The following KIFC3 variants were observed in gnomAD, a reference collection of about 807,000 sequenced individuals.
KIFC3 encodes kinesin family member C3.
In KIFC3, 60 loss-of-function variants were observed where a neutral mutation model predicts 101.8. The ratio of observed to expected loss-of-function variants is 0.59; its 90% CI spans 0.48 to 0.73. The LOEUF (loss-of-function observed/expected upper bound fraction) is 0.73, where lower values mean the gene tolerates loss of function less well. Among genes scored for constraint, KIFC3 ranks in the 30% least tolerant of loss-of-function variants. The pLI, the probability that KIFC3 is intolerant of heterozygous loss-of-function variation, is 0.00. For missense variants in KIFC3, 966 were observed against 1,137.1 expected (o/e 0.85, Z 2.16); for synonymous variants, 476 against 482.7 (o/e 0.99, Z 0.18).
intron 10 of KIFC3, chr16:57,765,912 A>G: frequency 2.5e-6 from 1 of 396,406 alleles, no homozygotes; most frequent in Non-Finnish European, 4.5e-6. Context: ...GGGCTCAAGC[A>G]CTGCACCCCG....
intron 19 of KIFC3, 78 bp from the exon 20 acceptor site, chr16:57,758,987 G>A (rs1344504824): frequency 1.1e-4 from 167 of 1,540,286 alleles, no homozygotes; most frequent in Non-Finnish European, 1.4e-4. Flanking sequence ...GAGAGCAGGA[G>A]GGAACCCAGC....
chr16:57,819,240 C>T (rs898500148), intron 1 of KIFC3, among the ~76,000 whole-genome samples: 22 of 152,196 alleles, frequency 1.4e-4, no homozygotes, highest in African/African-American at 5.3e-4. Flanking sequence ...GAGGCCGAGA[C>T]AGGAGGATCA....
At chr16:57,849,514 T>C (rs1289509348) in intron 1 of KIFC3, among the ~76,000 whole-genome samples, 2 of 152,184 alleles carry the variant, frequency 1.3e-5, no homozygotes, top group Non-Finnish European at 2.9e-5. Flanking sequence ...GTCAATATAG[T>C]CTTTTAAACT....
intron 1 of KIFC3, chr16:57,813,537 T>G (rs1407792904): frequency 3.0e-5 from 8 of 267,116 alleles, no homozygotes; most frequent in Non-Finnish European, 4.6e-5. Context: ...TGGCACCGGA[T>G]GCCCCTGTCT....
chr16:57,782,076 G>A, intron 3 of KIFC3: 3 of 985,478 alleles, frequency 3.0e-6, no homozygotes, highest in Non-Finnish European at 3.6e-6. Context: ...AGAATTCCAG[G>A]AAAGTCCAAG....
intron 16 of KIFC3, 32 bp from the exon 17 acceptor site, chr16:57,760,448 G>T: frequency 1.2e-6 from 2 of 1,602,752 alleles, no homozygotes; most frequent in Non-Finnish European, 8.5e-7. Context: ...TGCCCACCCG[G>T]GCCAGCTGGA....
At chr16:57,821,185 CA>C (rs1466708976) in intron 1 of KIFC3, among the ~76,000 whole-genome samples, 3 of 150,324 alleles carry the variant, frequency 2.0e-5, no homozygotes, top group Non-Finnish European at 2.9e-5. Flanking sequence ...CAAAGCCTGG[CA>C]AAAGACTGGG....
At chr16:57,774,928 C>T (rs1555610974) in intron 3 of KIFC3, 2 of 1,477,464 alleles carry the variant, frequency 1.4e-6, no homozygotes, top group East Asian at 5.3e-5. Context: ...CTTCCACGCC[C>T]CCTCCCTCCC....
intron 2 of KIFC3, among the ~76,000 whole-genome samples, chr16:57,795,480 G>A (rs1276985724): frequency 6.6e-6 from 1 of 152,248 alleles, no homozygotes; most frequent in Non-Finnish European, 1.5e-5. Context: ...TTGCCAGCCA[G>A]CCTGCATGAA....
At position 57,764,164 on chromosome 16, in the gene KIFC3, G is replaced by A. The variant is rs781839340; in HGVS notation, c.1596C>T (p.Ala532=). ...CCACCTCCATCGTGTACGTCTTGCC[G>A]GCGCCCGTCTGGCCGTACGCAAAGA... ...VCIFAYGQTG[A]GKTYTMEGTA... The change falls in exon 12 of 20, where the codon GCC becomes GCT. Residue 532 remains alanine, a synonymous_variant. Transcript: ENST00000445690. 7 of 1,612,778 alleles carry A rather than the reference G, an allele frequency of 4.3e-6. No individual in the cohort carries two copies. Among genetic ancestry groups the A allele is most frequent in the African/African-American group, 2.7e-5 (2 of 75,044 alleles).
At chr16:57,775,393 C>T (rs571041329) in intron 3 of KIFC3, 12 of 1,058,584 alleles carry the variant, frequency 1.1e-5, no homozygotes, top group Admixed American at 5.4e-5. Context: ...TGGCCTGCTC[C>T]GTGGCAGGTG....
chr16:57,839,891 C>G (rs1459859250), intron 1 of KIFC3, among the ~76,000 whole-genome samples: 3 of 152,142 alleles, frequency 2.0e-5, no homozygotes, highest in African/African-American at 7.2e-5. Context: ...TAAGCACTTT[C>G]CTTTTCATCA....
chr16:57,760,652 G>C, intron 16 of KIFC3, 74 bp downstream of exon 16: 1 of 1,367,914 alleles, frequency 7.3e-7, no homozygotes, highest in Non-Finnish European at 1.0e-6. Flanking sequence ...TGCACAGCCT[G>C]GGGTGACTGG....
At chr16:57,812,621 T>C (rs1286916854) in intron 1 of KIFC3, among the ~76,000 whole-genome samples, 1 of 151,794 alleles carries the variant, frequency 6.6e-6, no homozygotes, top group Non-Finnish European at 1.5e-5. Context: ...CCTGAAGGAA[T>C]GTGGGGAGGG....
Position 57,791,654 on chromosome 16 carries a change from C to A in KIFC3, c.315+3345G>T, listed in dbSNP as rs188311446. 5.5e-4 allele frequency among the ~76,000 whole-genome samples: 83 copies of A among 152,264 alleles called. 1 individual carries two copies. Among genetic ancestry groups the A allele is most frequent in the African/African-American group, 2.0e-3 (82 of 41,550 alleles). On this transcript the variant is annotated intron_variant, in intron 3 of 19. Coordinates refer to ENST00000445690, the MANE Select transcript of KIFC3 (RefSeq NM_001130100.2). ...TTGCTGGTGCCAGCGTCCCAGAGATCTTCAGTAGATCTGCTGACCCCAGGA... is the reference window on the plus strand; with the variant it reads ...TTGCTGGTGCCAGCGTCCCAGAGATATTCAGTAGATCTGCTGACCCCAGGA...
At chr16:57,854,834 G>T (rs2056131319) in intron 1 of KIFC3, among the ~76,000 whole-genome samples, 1 of 152,050 alleles carries the variant, frequency 6.6e-6, no homozygotes, top group African/African-American at 2.4e-5. Flanking sequence ...TGACCACAAA[G>T]GAATTAAACT....
Position 57,788,376 on chromosome 16 carries a change from G to A in KIFC3, c.315+6623C>T, listed in dbSNP as rs192678336. Among the ~76,000 whole-genome samples the A allele has an allele frequency of 3.1e-4, 47 of 152,346 alleles. No individual in the cohort carries two copies. In the East Asian group the frequency reaches 5.8e-3, roughly 19 times the overall value. On this transcript the variant is annotated intron_variant, in intron 3 of 19. Coordinates refer to ENST00000445690, the MANE Select transcript of KIFC3 (RefSeq NM_001130100.2). ...CTGTGGGAGGCATGGGTGAGATGAA[G>A]GTTCTATACACACCACTGTCCCTGA...
At chr16:57,833,139 G>A (rs1555479685) in intron 1 of KIFC3, among the ~76,000 whole-genome samples, 2 of 151,914 alleles carry the variant, frequency 1.3e-5, no homozygotes, top group Non-Finnish European at 2.9e-5. Flanking sequence ...CTGGGAGGTA[G>A]AGGTTGCAGT....
At chr16:57,763,030 C>T (rs1555599435) in intron 12 of KIFC3, among the ~76,000 whole-genome samples, 8 of 152,178 alleles carry the variant, frequency 5.3e-5, no homozygotes. Flanking sequence ...CCCCCAAATG[C>T]CCTGTCCCTC....
Sources: gnomAD v4.1 joint callset for allele counts (sites outside exome capture counted in the v4.1 genomes callset) on GRCh38, gnomAD v4.1.1 for gene constraint, MANE v1.5 for transcripts, NCBI Gene and HGNC (gene_info 2026-07-23, HGNC 2026-07-21) for gene names.